TBCEL: variants seen among roughly 807,000 people sequenced by gnomAD.
TBCEL encodes tubulin folding cofactor E like.
Under a neutral mutation model 44.2 loss-of-function variants are expected in TBCEL, and 15 were observed. That is an observed-to-expected ratio of 0.34 (90% CI 0.23 to 0.52). The LOEUF (loss-of-function observed/expected upper bound fraction) is 0.52. Among genes scored for constraint, TBCEL ranks in the 20% least tolerant of loss-of-function variants. TBCEL has a pLI of 0.95. For synonymous variants in TBCEL, 171 were observed against 185.4 expected (o/e 0.92, Z 0.63); for missense variants, 319 against 506.3 (o/e 0.63, Z 3.55).
At chr11:121,032,890 TG>T (rs1945168882) in intron 1 of TBCEL, among the ~76,000 whole-genome samples, 1 of 152,236 alleles carries the variant, frequency 6.6e-6, no homozygotes, top group African/African-American at 2.4e-5. Context: ...CTGCAAGTAT[TG>T]ATTTTGTTGT....
chr11:121,073,126 G>A (rs1220693925), intron 8 of TBCEL, among the ~76,000 whole-genome samples: 3 of 151,778 alleles, frequency 2.0e-5, no homozygotes, highest in African/African-American at 7.3e-5. Context: ...ATTAATTATT[G>A]TAGGCCCTTT....
chr11:121,075,951 C>G (rs1360131979), intron 8 of TBCEL, among the ~76,000 whole-genome samples: 1 of 151,884 alleles, frequency 6.6e-6, no homozygotes, highest in Non-Finnish European at 1.5e-5. Flanking sequence ...GTAAGACTAT[C>G]CTTTTTCTAT....
chr11:121,074,662 T>C (rs1042701374), intron 8 of TBCEL, among the ~76,000 whole-genome samples: 6 of 151,888 alleles, frequency 4.0e-5, no homozygotes, highest in African/African-American at 1.4e-4. Flanking sequence ...ACTACAGTCA[T>C]AGAACCACCA....
chr11:121,049,773 T>C (rs1480023911), intron 4 of TBCEL, among the ~76,000 whole-genome samples: 2 of 151,802 alleles, frequency 1.3e-5, no homozygotes, highest in South Asian at 2.1e-4. Flanking sequence ...TTAATAGTGA[T>C]GTAGTTGCTA....
chr11:121,039,258 G>GCCATT (rs1394647689), intron 2 of TBCEL, among the ~76,000 whole-genome samples: 2 of 152,180 alleles, frequency 1.3e-5, no homozygotes, highest in Non-Finnish European at 2.9e-5. Flanking sequence ...TACCTGGAAT[G>GCCATT]CCATTCCCCA....
chr11:121,032,002 A>C (rs915731570), intron 1 of TBCEL, among the ~76,000 whole-genome samples: 6 of 152,180 alleles, frequency 3.9e-5, no homozygotes, highest in African/African-American at 7.2e-5. Context: ...GGATTTTAAA[A>C]ATGTTTTCTT....
At chr11:121,052,322 A>G (rs565174618) in intron 4 of TBCEL, among the ~76,000 whole-genome samples, 5 of 151,384 alleles carry the variant, frequency 3.3e-5, no homozygotes, top group Non-Finnish European at 7.4e-5. Context: ...AAAATGTGTC[A>G]CTTGCTATGC....
At chr11:121,046,156 A>ACCT in intron 3 of TBCEL, among the ~76,000 whole-genome samples, 1 of 152,120 alleles carries the variant, frequency 6.6e-6, no homozygotes, top group Non-Finnish European at 1.5e-5. Flanking sequence ...GGTTTACAAG[A>ACCT]CATTCACATT....
Position 121,052,539 on chromosome 11 carries a change from T to A in TBCEL, c.274-1012T>A, listed in dbSNP as rs1945547568. 1.3e-5 allele frequency among the ~76,000 whole-genome samples: 2 copies of A among 151,908 alleles called. 1 individual carries two copies. Among genetic ancestry groups the A allele is most frequent in the Admixed American group, 1.3e-4 (2 of 15,222 alleles). ...CTCTTTTCTCCTTTTCTTATAGCTT[T>A]TACTTACCACATTGCCTGGTTGTTT... On this transcript the variant is annotated intron_variant, in intron 4 of 8. Coordinates refer to ENST00000683345, the MANE Select transcript of TBCEL (RefSeq NM_001363644.2).
In TBCEL at chr11:121,090,423, C is replaced by A. The variant is rs1946273562; in HGVS notation, c.*3327C>A. ...AATACTAGATTGTTCTAAGTAATGTCATTTCGGTTTGTGAATTTGATTTTT... is the reference window on the plus strand; with the variant it reads ...AATACTAGATTGTTCTAAGTAATGTAATTTCGGTTTGTGAATTTGATTTTT... On this transcript the variant is annotated 3_prime_UTR_variant, in exon 9 of 9. Transcript: ENST00000683345. 6.6e-6 allele frequency: 1 copy of A among 152,070 alleles called. No homozygotes were observed. The highest frequency in any genetic ancestry group is 6.6e-5 in the Admixed American group (1 of 15,248). The allele number at this position is 152,070 out of a possible 1,614,324, so 9.4% of individuals were successfully genotyped here. A position where few individuals can be genotyped will look rare whatever the true frequency, so the allele number is the denominator to read the frequency against.
intron 1 of TBCEL, among the ~76,000 whole-genome samples, chr11:121,027,977 T>G (rs1945076256): frequency 6.6e-6 from 1 of 151,884 alleles, no homozygotes; most frequent in Non-Finnish European, 1.5e-5. Context: ...GAGGCCGAGG[T>G]AGGAGGATCG....
Position 121,066,019 on chromosome 11 carries a change from C to G in TBCEL, c.956+5934C>G, listed in dbSNP as rs12293023. ...ACAACAGAAATCAATTCTGGCCAAC[C>G]AAGGTAGAAGAGGAATTTAGTAAAA... On this transcript the variant is annotated intron_variant, in intron 8 of 8. Transcript: ENST00000683345. Among the ~76,000 whole-genome samples the G allele has an allele frequency of 8.1e-3, 1,229 of 152,284 alleles. 18 individuals are homozygous for G. Among genetic ancestry groups the G allele is most frequent in the African/African-American group, 0.028 (1,175 of 41,550 alleles).
rs114845860 is a variant in TBCEL at position 121,081,140 on chromosome 11, C to T, written c.957-5638C>T. Among the ~76,000 whole-genome samples, 276 of 152,244 alleles carry T rather than the reference C, an allele frequency of 1.8e-3. 1 individual carries two copies. Among genetic ancestry groups the T allele is most frequent in the African/African-American group, 6.4e-3 (264 of 41,544 alleles). Reference sequence around the variant, plus strand: ...TAATAAGAAGGGGGAAAAAACACACCAGTTTGCTTGTGGGTGGTATTCTTC... The same window carrying T: ...TAATAAGAAGGGGGAAAAAACACACTAGTTTGCTTGTGGGTGGTATTCTTC... On this transcript the variant is annotated intron_variant, in intron 8 of 8. Transcript: ENST00000683345.
chr11:121,078,313 A>G (rs965323124), intron 8 of TBCEL, among the ~76,000 whole-genome samples: 2 of 152,180 alleles, frequency 1.3e-5, no homozygotes, highest in Admixed American at 6.6e-5. Flanking sequence ...GTTTTTAGAT[A>G]CATATGCATT....
intron 1 of TBCEL, chr11:121,036,102 T>A (rs978000681): frequency 6.6e-6 from 1 of 152,194 alleles, no homozygotes; most frequent in Non-Finnish European, 1.5e-5. Flanking sequence ...GTTCCCCCAG[T>A]TTCGTATCCT....
intron 1 of TBCEL, among the ~76,000 whole-genome samples, chr11:121,026,285 A>G (rs1176923335): frequency 1.3e-5 from 2 of 152,230 alleles, no homozygotes; most frequent in Non-Finnish European, 2.9e-5. Context: ...GGGTCCTTAG[A>G]AAAATAGTAT....
At chr11:121,061,303 C>T (rs1945716419) in intron 8 of TBCEL, among the ~76,000 whole-genome samples, 1 of 151,860 alleles carries the variant, frequency 6.6e-6, no homozygotes, top group Middle Eastern at 3.2e-3. Flanking sequence ...AATATTATAG[C>T]TTTGAGCATA....
At chr11:121,038,859 T>C (rs1266722677) in intron 2 of TBCEL, among the ~76,000 whole-genome samples, 2 of 152,228 alleles carry the variant, frequency 1.3e-5, no homozygotes, top group African/African-American at 4.8e-5. Flanking sequence ...GCTACTCTTT[T>C]CTCGGCTTAT....
At chr11:121,049,669 G>A (rs1945494644) in intron 4 of TBCEL, among the ~76,000 whole-genome samples, 1 of 151,710 alleles carries the variant, frequency 6.6e-6, no homozygotes, top group Non-Finnish European at 1.5e-5. Flanking sequence ...TGCTTTATCT[G>A]CACTTCAAAT....
Sources: allele counts gnomAD v4.1 joint callset (sites outside exome capture counted in the v4.1 genomes callset), GRCh38; gene constraint gnomAD v4.1.1; transcripts MANE v1.5; gene names NCBI Gene and HGNC (gene_info 2026-07-23, HGNC 2026-07-21).